TRIQK: variants seen among roughly 807,000 people sequenced by gnomAD.
TRIQK encodes the protein triple QxxK/R motif containing, also known as triple QxxK/R motif-containing protein.
Under a neutral mutation model 10.8 loss-of-function variants are expected in TRIQK, and 10 were observed. The ratio of observed to expected loss-of-function variants is 0.92; its 90% confidence interval spans 0.57 to 1.57. The LOEUF is 1.57. TRIQK is among the 40% of genes most tolerant of loss of function. The pLI is 0.00. For synonymous variants in TRIQK, 33 were observed against 33.7 expected, an observed-to-expected ratio of 0.98 and a Z score of 0.07; for missense variants, 107 against 97.7, an observed-to-expected ratio of 1.09 and a Z score of -0.40.
intron 2 of TRIQK, among the ~76,000 whole-genome samples, chr8:92,931,261 A>C (rs999041067): frequency 2.0e-5 from 3 of 152,174 alleles, no homozygotes; most frequent in Non-Finnish European, 4.4e-5. Flanking sequence ...CAATGTTAAA[A>C]TTTTTATTTT....
At chr8:92,986,887 C>A (rs992658517) in intron 1 of TRIQK, among the ~76,000 whole-genome samples, 1 of 151,994 alleles carries the variant, frequency 6.6e-6, no homozygotes, top group African/African-American at 2.4e-5. Flanking sequence ...GATGGTTGTC[C>A]TCTAATAATC....
chr8:92,952,631 C>CA (rs1186404817), intron 2 of TRIQK, among the ~76,000 whole-genome samples: 5 of 151,408 alleles, frequency 3.3e-5, no homozygotes, highest in East Asian at 1.9e-4. Flanking sequence ...GGATAAATGT[C>CA]AAAAAAAACT....
At chr8:93,016,492 CTTTTAA>C (rs1813385027) in intron 1 of TRIQK, among the ~76,000 whole-genome samples, 1 of 152,172 alleles carries the variant, frequency 6.6e-6, no homozygotes, top group African/African-American at 2.4e-5. Context: ...TTTACTTTTA[CTTTTAA>C]TTTTATTAAG....
At chr8:93,011,949 T>C (rs1030443816) in intron 1 of TRIQK, among the ~76,000 whole-genome samples, 1 of 152,132 alleles carries the variant, frequency 6.6e-6, no homozygotes, top group African/African-American at 2.4e-5. Context: ...ATGCAGATGT[T>C]GAGAGTACAA....
intron 2 of TRIQK, among the ~76,000 whole-genome samples, chr8:92,933,023 T>C (rs1234380371): frequency 6.6e-6 from 1 of 152,122 alleles, no homozygotes. Flanking sequence ...TAGTAGAGAA[T>C]GTTTTTTAGA....
At chr8:92,920,018 C>A (rs117928840) in intron 2 of TRIQK, among the ~76,000 whole-genome samples, 362 of 151,594 alleles carry the variant, frequency 2.4e-3, no homozygotes, top group Non-Finnish European at 3.6e-3. Flanking sequence ...GAGTTTTCTC[C>A]TTTTTTTCCT....
chr8:92,957,737 A>T (rs1563661144), intron 1 of TRIQK, among the ~76,000 whole-genome samples: 1 of 151,952 alleles, frequency 6.6e-6, no homozygotes, highest in Non-Finnish European at 1.5e-5. Flanking sequence ...CTATCTACTC[A>T]GGAGAAGCCA....
chr8:92,976,247 G>T (rs555961999), intron 1 of TRIQK, among the ~76,000 whole-genome samples: 3 of 152,016 alleles, frequency 2.0e-5, no homozygotes, highest in African/African-American at 7.2e-5. Flanking sequence ...CTTGAGAAAG[G>T]TGTTTAACTC....
intron 1 of TRIQK, among the ~76,000 whole-genome samples, chr8:92,964,068 C>G (rs1812601348): frequency 6.6e-6 from 1 of 151,930 alleles, no homozygotes; most frequent in Non-Finnish European, 1.5e-5. Flanking sequence ...ATTAGTAGTT[C>G]CCGTTTGTTA....
chr8:93,010,592 C>T (rs1813322104), intron 1 of TRIQK, among the ~76,000 whole-genome samples: 2 of 151,924 alleles, frequency 1.3e-5, no homozygotes, highest in South Asian at 4.1e-4. Context: ...GTAATTATAT[C>T]TCATTAAATA....
intron 1 of TRIQK, among the ~76,000 whole-genome samples, chr8:93,005,094 G>A (rs993778134): frequency 3.3e-5 from 5 of 152,056 alleles, no homozygotes; most frequent in African/African-American, 1.2e-4. Context: ...CAATTTTCTG[G>A]ATTAGTCCTT....
At chr8:92,988,046 G>T (rs1433641129) in intron 1 of TRIQK, among the ~76,000 whole-genome samples, 1 of 109,546 alleles carries the variant, frequency 9.1e-6, no homozygotes, top group Non-Finnish European at 1.7e-5. Flanking sequence ...TTGCTCTGTC[G>T]CCCAGGCTGG....
At chr8:92,888,090 G>A (rs1816576958) in intron 4 of TRIQK, among the ~76,000 whole-genome samples, 3 of 151,576 alleles carry the variant, frequency 2.0e-5, no homozygotes, top group Non-Finnish European at 4.4e-5. Flanking sequence ...TGTGTTCCCA[G>A]ACCCATCTGG....
intron 2 of TRIQK, among the ~76,000 whole-genome samples, chr8:92,917,984 C>A (rs1474020753): frequency 6.6e-6 from 1 of 152,004 alleles, no homozygotes; most frequent in Non-Finnish European, 1.5e-5. Context: ...CAATATTTGT[C>A]TTTCTGTGCC....
intron 4 of TRIQK, among the ~76,000 whole-genome samples, chr8:92,890,804 A>G (rs1816726249): frequency 6.6e-6 from 1 of 151,928 alleles, no homozygotes; most frequent in African/African-American, 2.4e-5. Context: ...TTTGAGGGCA[A>G]TGACAGACAA....
Position 92,982,861 on chromosome 8 carries a change from T to A in TRIQK, c.-180-28297A>T, listed in dbSNP as rs138912205. On this transcript the variant is annotated intron_variant, in intron 1 of 4. Transcript: ENST00000520686. ...AGGGAGGGTGGTGCTTAAAGAAAGC[T>A]GGAACCCACTGCAATCCATTTTGAA... 3.0e-3 allele frequency among the ~76,000 whole-genome samples: 455 copies of A among 152,088 alleles called. 4 individuals are homozygous for A. The highest frequency in any genetic ancestry group is 0.011 in the African/African-American group (447 of 41,552).
intron 1 of TRIQK, among the ~76,000 whole-genome samples, chr8:93,000,850 G>GC (rs371723850): frequency 7.2e-6 from 1 of 138,138 alleles, no homozygotes; most frequent in African/African-American, 2.8e-5. Context: ...TCAAAACATA[G>GC]CACTACAGAA....
At chr8:92,958,489 T>C (rs935254840) in intron 1 of TRIQK, among the ~76,000 whole-genome samples, 3 of 152,014 alleles carry the variant, frequency 2.0e-5, no homozygotes, top group Admixed American at 2.0e-4. Context: ...CTTATTATAA[T>C]ATTGAGATAT....
At chr8:92,979,227 G>A (rs1021618654) in intron 1 of TRIQK, among the ~76,000 whole-genome samples, 2 of 152,080 alleles carry the variant, frequency 1.3e-5, no homozygotes, top group African/African-American at 4.8e-5. Flanking sequence ...GTTGACAGGA[G>A]GACCTGTGTA....
Sources: allele counts gnomAD v4.1 joint callset (sites outside exome capture counted in the v4.1 genomes callset), GRCh38; gene constraint gnomAD v4.1.1; transcripts MANE v1.5; gene names NCBI Gene and HGNC (gene_info 2026-07-23, HGNC 2026-07-21).